The following BMAL1 variants were observed in gnomAD, a reference collection of about 807,000 sequenced individuals.
BMAL1 encodes basic helix-loop-helix ARNT-like protein 1.
chr11:13,385,035 C>T, the BMAL1 span, among the ~76,000 whole-genome samples: 2 of 152,122 alleles, frequency 1.3e-5, no homozygotes, highest in Non-Finnish European at 2.9e-5. Flanking sequence ...CTGAAAGCAG[C>T]AGCTACCAAA....
the BMAL1 span, chr11:13,366,752 G>A: frequency 6.2e-6 from 10 of 1,613,800 alleles, no homozygotes; most frequent in African/African-American, 2.7e-5. Flanking sequence ...CTCTGACACC[G>A]CACCCCGGGA....
chr11:13,325,406 T>C, the BMAL1 span, among the ~76,000 whole-genome samples: 1 of 152,250 alleles, frequency 6.6e-6, no homozygotes, highest in African/African-American at 2.4e-5. Flanking sequence ...TTTCACCTTA[T>C]TTGATTCTGA....
chr11:13,287,785 T>C, the BMAL1 span, among the ~76,000 whole-genome samples: 1 of 152,232 alleles, frequency 6.6e-6, no homozygotes, highest in South Asian at 2.1e-4. Context: ...CTGCAGCAAA[T>C]CTATAGCTGA....
the BMAL1 span, among the ~76,000 whole-genome samples, chr11:13,348,923 A>G: frequency 6.6e-6 from 1 of 152,082 alleles, no homozygotes; most frequent in African/African-American, 2.4e-5. Context: ...AAATGCCAAA[A>G]TTTTTTTTCA....
At chr11:13,287,723 TTG>T in the BMAL1 span, among the ~76,000 whole-genome samples, 1 of 152,224 alleles carries the variant, frequency 6.6e-6, no homozygotes, top group Admixed American at 6.5e-5. Context: ...CTGATGATGG[TTG>T]TCCCTGCCCT....
chr11:13,295,322 G>C, the BMAL1 span, among the ~76,000 whole-genome samples: 14 of 121,416 alleles, frequency 1.2e-4, no homozygotes, highest in African/African-American at 3.6e-4. Context: ...AGAGAGAGAC[G>C]ATGTGGTAGA....
the BMAL1 span, chr11:13,369,664 A>G: frequency 6.2e-6 from 10 of 1,613,998 alleles, no homozygotes; most frequent in Admixed American, 1.5e-4. Flanking sequence ...CATCTCGATT[A>G]TGTTCTGGAG....
At chr11:13,320,951 C>T in the BMAL1 span, among the ~76,000 whole-genome samples, 3 of 152,098 alleles carry the variant, frequency 2.0e-5, no homozygotes, top group Admixed American at 2.0e-4. Context: ...GAAGATAGAC[C>T]ATAAATAATA....
the BMAL1 span, among the ~76,000 whole-genome samples, chr11:13,305,491 A>T: frequency 0.015 from 2,325 of 151,712 alleles, 58 homozygotes; most frequent in African/African-American, 0.054. Flanking sequence ...AGTCATAGAA[A>T]TTTTTTTTTG....
the BMAL1 span, among the ~76,000 whole-genome samples, chr11:13,332,014 C>T: frequency 1.3e-5 from 2 of 152,022 alleles, no homozygotes; most frequent in Non-Finnish European, 1.5e-5. Flanking sequence ...GAACAAGCGA[C>T]GGGGAGTGAT....
At chr11:13,289,435 A>T in the BMAL1 span, among the ~76,000 whole-genome samples, 2 of 152,160 alleles carry the variant, frequency 1.3e-5, no homozygotes, top group African/African-American at 4.8e-5. Context: ...CACAACACAC[A>T]GGTTTGTTAC....
chr11:13,278,771 A>T, the BMAL1 span, among the ~76,000 whole-genome samples: 1 of 152,234 alleles, frequency 6.6e-6, no homozygotes, highest in East Asian at 1.9e-4. Context: ...CGGAGGGCGC[A>T]GCGAGCCTGG....
the BMAL1 span, among the ~76,000 whole-genome samples, chr11:13,341,591 T>G: frequency 1.3e-5 from 2 of 152,204 alleles, no homozygotes; most frequent in East Asian, 1.9e-4. Context: ...CCTCTCTCCC[T>G]TTGCCACCAG....
the BMAL1 span, among the ~76,000 whole-genome samples, chr11:13,287,789 T>C: frequency 9.9e-5 from 15 of 152,238 alleles, no homozygotes; most frequent in Non-Finnish European, 2.2e-4. Context: ...AGCAAATCTA[T>C]AGCTGAGCCA....
chr11:13,378,506 T>C, the BMAL1 span: 2 of 1,555,694 alleles, frequency 1.3e-6, no homozygotes. Context: ...GGAAATTTTT[T>C]CCCCCAGGCA....
chr11:13,378,656 C>T, the BMAL1 span: 1 of 574,756 alleles, frequency 1.7e-6, no homozygotes, highest in East Asian at 3.5e-5. Flanking sequence ...CCTCCCCACC[C>T]AACAAAGAAT....
At chr11:13,292,746 T>C in the BMAL1 span, among the ~76,000 whole-genome samples, 1 of 152,110 alleles carries the variant, frequency 6.6e-6, no homozygotes, top group Admixed American at 6.5e-5. Flanking sequence ...TAGTCCCTAG[T>C]AGATAGTGGT....
chr11:13,366,264 T>C, the BMAL1 span, among the ~76,000 whole-genome samples: 1 of 152,360 alleles, frequency 6.6e-6, no homozygotes, highest in East Asian at 1.9e-4. Flanking sequence ...ATGGAGGAAG[T>C]TGCTGTTATC....
chr11:13,325,915 G>C, the BMAL1 span, among the ~76,000 whole-genome samples: 1 of 151,710 alleles, frequency 6.6e-6, no homozygotes, highest in African/African-American at 2.4e-5. Flanking sequence ...GGAAAGAGTA[G>C]AACAAGGGGC....
Sources: gnomAD v4.1 joint callset for allele counts (sites outside exome capture counted in the v4.1 genomes callset) on GRCh38, gnomAD v4.1.1 for gene constraint, MANE v1.5 for transcripts, NCBI Gene and HGNC (gene_info 2026-07-23, HGNC 2026-07-21) for gene names.